Variants in POLR3B observed in about 807,000 individuals in gnomAD.
The protein encoded by POLR3B is RNA polymerase III subunit B.
In POLR3B, 96 loss-of-function variants were observed where a neutral mutation model predicts 147.4. The observed-to-expected ratio is 0.65, with a 90% CI of 0.55 to 0.77. The LOEUF is 0.77. POLR3B is among the 30% of genes least tolerant of loss of function. POLR3B has a pLI of 0.00. For missense variants in POLR3B, 1,036 were observed against 1,413.5 expected (o/e 0.73, Z 4.28); for synonymous variants, 461 against 485.9 (o/e 0.95, Z 0.67).
At chr12:106,389,379 C>G (rs1393867540) in intron 9 of POLR3B, among the ~76,000 whole-genome samples, 1 of 152,184 alleles carries the variant, frequency 6.6e-6, no homozygotes. Context: ...CTTGGCATAT[C>G]TTTGCTTCAT....
intron 16 of POLR3B, among the ~76,000 whole-genome samples, chr12:106,436,420 T>C (rs2037577497): frequency 6.6e-6 from 1 of 152,180 alleles, no homozygotes; most frequent in Non-Finnish European, 1.5e-5. Context: ...ATTACGTCAC[T>C]GAAAACCACA....
intron 23 of POLR3B, among the ~76,000 whole-genome samples, chr12:106,487,657 A>G (rs879091395): frequency 6.6e-6 from 1 of 152,126 alleles, no homozygotes; most frequent in Admixed American, 6.5e-5. Context: ...CAGATATCCT[A>G]ACAATTAAAG....
At chr12:106,378,162 G>A (rs934925748) in intron 7 of POLR3B, 105 bp from the exon 8 acceptor site, 6 of 783,732 alleles carry the variant, frequency 7.7e-6, no homozygotes, top group South Asian at 6.8e-5. Context: ...GTGCCATGAA[G>A]CAGTAGTAGA....
At chr12:106,369,936 C>G (rs1003195544) in intron 6 of POLR3B, among the ~76,000 whole-genome samples, 4 of 151,962 alleles carry the variant, frequency 2.6e-5, no homozygotes, top group African/African-American at 9.7e-5. Flanking sequence ...GCTAGGGAAC[C>G]ACTAGATACA....
chr12:106,383,631 A>G (rs187696677), intron 9 of POLR3B, among the ~76,000 whole-genome samples: 1 of 152,256 alleles, frequency 6.6e-6, no homozygotes, highest in African/African-American at 2.4e-5. Flanking sequence ...TAAATTTTTC[A>G]TCTCTTACGA....
chr12:106,457,375 A>C (rs2037878858), intron 21 of POLR3B, 79 bp downstream of exon 21: 1 of 1,239,828 alleles, frequency 8.1e-7, no homozygotes, highest in Non-Finnish European at 1.2e-6. Flanking sequence ...AATATTTGGC[A>C]AAAAGGGCAG....
At chr12:106,496,680 C>A in intron 24 of POLR3B, 72 bp from the exon 25 acceptor site, 2 of 1,296,038 alleles carry the variant, frequency 1.5e-6, no homozygotes, top group Non-Finnish European at 2.2e-6. Context: ...GGGAAATGAG[C>A]TGGAGATAAA....
chr12:106,420,076 C>T (rs1177935748), intron 12 of POLR3B, among the ~76,000 whole-genome samples: 1 of 151,978 alleles, frequency 6.6e-6, no homozygotes, highest in Non-Finnish European at 1.5e-5. Context: ...CATTCGGTGG[C>T]TCAGGAATCT....
At chr12:106,414,886 T>C (rs2037279867) in intron 12 of POLR3B, among the ~76,000 whole-genome samples, 1 of 152,186 alleles carries the variant, frequency 6.6e-6, no homozygotes, top group South Asian at 2.1e-4. Context: ...TTACATGTTC[T>C]AAAATAGTTT....
chr12:106,412,778 A>G (rs1051271045), intron 12 of POLR3B, among the ~76,000 whole-genome samples: 2 of 152,198 alleles, frequency 1.3e-5, no homozygotes, highest in African/African-American at 4.8e-5. Flanking sequence ...GAGTCACTAC[A>G]CATTCCTACT....
chr12:106,506,775 A>G (rs919384303), intron 27 of POLR3B, among the ~76,000 whole-genome samples: 2 of 152,142 alleles, frequency 1.3e-5, no homozygotes, highest in Non-Finnish European at 2.9e-5. Context: ...CCTTGTTGCC[A>G]ACAGAAAAAA....
chr12:106,437,442 T>G (rs1308904987), intron 17 of POLR3B, among the ~76,000 whole-genome samples: 1 of 152,116 alleles, frequency 6.6e-6, no homozygotes, highest in Non-Finnish European at 1.5e-5. Context: ...ATTTTTTTTT[T>G]AAGAAGTGGG....
chr12:106,482,564 C>T (rs1412108923), intron 23 of POLR3B, among the ~76,000 whole-genome samples: 1 of 152,128 alleles, frequency 6.6e-6, no homozygotes, highest in African/African-American at 2.4e-5. Context: ...AGAACTCACT[C>T]ACTATCATGA....
intron 6 of POLR3B, among the ~76,000 whole-genome samples, chr12:106,370,538 C>T (rs10507211): frequency 0.38 from 57,827 of 151,820 alleles, 12,816 homozygotes; most frequent in African/African-American, 0.61. Context: ...TATTGTTTCT[C>T]TCCTTAGTCT....
intron 23 of POLR3B, among the ~76,000 whole-genome samples, chr12:106,491,010 C>T (rs998669457): frequency 1.3e-5 from 2 of 152,194 alleles, no homozygotes; most frequent in Admixed American, 6.5e-5. Flanking sequence ...TTCTGCCTCT[C>T]CAGCCAAAGT....
intron 12 of POLR3B, among the ~76,000 whole-genome samples, chr12:106,426,941 A>G (rs2037447417): frequency 7.0e-6 from 1 of 142,348 alleles, no homozygotes; most frequent in African/African-American, 2.6e-5. Flanking sequence ...TCTAGAAGTG[A>G]CTGGTCTAAA....
chr12:106,387,222 A>G (rs2036852805), intron 9 of POLR3B, among the ~76,000 whole-genome samples: 1 of 152,192 alleles, frequency 6.6e-6, no homozygotes, highest in Admixed American at 6.5e-5. Context: ...TTTTCACTTA[A>G]CAGTGCATTA....
At chr12:106,444,075 C>A (rs1362445665) in intron 18 of POLR3B, among the ~76,000 whole-genome samples, 2 of 152,170 alleles carry the variant, frequency 1.3e-5, no homozygotes, top group Non-Finnish European at 2.9e-5. Flanking sequence ...CCTGCCTCGG[C>A]CTCTCAAACT....
chr12:106,485,178 A>G (rs185622100), intron 23 of POLR3B, among the ~76,000 whole-genome samples: 179 of 152,270 alleles, frequency 1.2e-3, no homozygotes, highest in Admixed American at 2.1e-3. Flanking sequence ...GGAGAGGATC[A>G]TCCCGTGGCA....
Sources: gnomAD v4.1 joint callset for allele counts (sites outside exome capture counted in the v4.1 genomes callset) on GRCh38, gnomAD v4.1.1 for gene constraint, MANE v1.5 for transcripts, NCBI Gene and HGNC (gene_info 2026-07-23, HGNC 2026-07-21) for gene names.